WWC2: variants seen among roughly 807,000 people sequenced by gnomAD.
The protein encoded by WWC2 is WW and C2 domain containing 2, also known as protein WWC2.
Under a neutral mutation model 138.5 loss-of-function variants are expected in WWC2, and 101 were observed. The observed-to-expected ratio is 0.73, with a 90% CI of 0.62 to 0.86. The LOEUF (loss-of-function observed/expected upper bound fraction) is 0.86, where lower values mean the gene tolerates loss of function less well. WWC2 is among the 40% of genes least tolerant of loss of function. The pLI, the probability that WWC2 is intolerant of heterozygous loss-of-function variation, is 0.00. For missense variants in WWC2, 1,420 were observed against 1,419.4 expected, an observed-to-expected ratio of 1.00 and a Z score of -0.01; for synonymous variants, 558 against 538.4, an observed-to-expected ratio of 1.04 and a Z score of -0.50.
Position 183,289,567 on chromosome 4 carries a change from A to G in WWC2, c.3316A>G (p.Thr1106Ala). The change falls in exon 21 of 23, where the codon ACT (threonine) becomes GCT (alanine). Residue 1106 changes from threonine to alanine, a missense_variant. Transcript: ENST00000403733. ...GGAGGAACTGAAAGCTCAGGGAGAGACTGACCTTCCACCAGGCGTGCTGGA... is the reference window on the plus strand; with the variant it reads ...GGAGGAACTGAAAGCTCAGGGAGAGGCTGACCTTCCACCAGGCGTGCTGGA... ...KLEELKAQGE[T>A]DLPPGVLEDE... 2 of 1,613,862 alleles carry G rather than the reference A, an allele frequency of 1.2e-6. No individual in the cohort carries two copies. The highest frequency in any genetic ancestry group is 1.7e-6 in the Non-Finnish European group (2 of 1,179,866).
At chr4:183,244,582 T>G (rs34996246) in intron 5 of WWC2, among the ~76,000 whole-genome samples, 61,015 of 149,302 alleles carry the variant, frequency 0.41, 13,069 homozygotes, top group South Asian at 0.5. Context: ...TATATATATA[T>G]ATAGAGAGAG....
chr4:183,137,819 A>C (rs1315380643), intron 1 of WWC2, among the ~76,000 whole-genome samples: 2 of 152,166 alleles, frequency 1.3e-5, no homozygotes. Context: ...TGGAACCAAA[A>C]TGTCATTGTG....
intron 11 of WWC2, 70 bp downstream of exon 11, chr4:183,261,602 T>C (rs1737334074): frequency 6.8e-7 from 1 of 1,472,014 alleles, no homozygotes; most frequent in South Asian, 1.4e-5. Context: ...GAGCATTATT[T>C]TTCCATATAA....
chr4:183,287,045 C>T (rs973345970), intron 20 of WWC2, among the ~76,000 whole-genome samples: 2 of 152,082 alleles, frequency 1.3e-5, no homozygotes, highest in African/African-American at 2.4e-5. Flanking sequence ...GTTCTGCCAG[C>T]AGCTTTGGCA....
At chr4:183,126,728 T>A (rs1163190257) in intron 1 of WWC2, among the ~76,000 whole-genome samples, 2 of 151,808 alleles carry the variant, frequency 1.3e-5, no homozygotes, top group Non-Finnish European at 2.9e-5. Context: ...ACACACTGGT[T>A]TATTTTATTT....
intron 22 of WWC2, among the ~76,000 whole-genome samples, chr4:183,313,455 G>A (rs187018499): frequency 9.5e-4 from 144 of 152,168 alleles, no homozygotes; most frequent in African/African-American, 3.2e-3. Context: ...TGGTGCCAGC[G>A]CTCGAGATGG....
At chr4:183,103,137 C>T (rs1455004369) in intron 1 of WWC2, among the ~76,000 whole-genome samples, 1 of 151,742 alleles carries the variant, frequency 6.6e-6, no homozygotes, top group Non-Finnish European at 1.5e-5. Context: ...AGACACTAAT[C>T]TGTGGCTTAT....
intron 4 of WWC2, among the ~76,000 whole-genome samples, chr4:183,232,704 A>G (rs531994323): frequency 1.4e-4 from 22 of 152,170 alleles, no homozygotes; most frequent in African/African-American, 4.1e-4. Flanking sequence ...CTGGAGTGCA[A>G]TGGTGCGATC....
intron 14 of WWC2, among the ~76,000 whole-genome samples, chr4:183,266,297 A>T (rs970996165): frequency 6.6e-6 from 1 of 152,182 alleles, no homozygotes; most frequent in South Asian, 2.1e-4. Context: ...GGAATTTTCT[A>T]ATCTTTTACA....
intron 8 of WWC2, among the ~76,000 whole-genome samples, chr4:183,252,137 A>G (rs1377676976): frequency 2.6e-5 from 4 of 152,188 alleles, no homozygotes; most frequent in South Asian, 2.1e-4. Context: ...GTATAGATCT[A>G]CTTCCATCTT....
intron 1 of WWC2, among the ~76,000 whole-genome samples, chr4:183,160,157 C>G (rs1226474454): frequency 6.6e-6 from 1 of 152,228 alleles, no homozygotes; most frequent in Non-Finnish European, 1.5e-5. Flanking sequence ...GCATCATGAT[C>G]AGTGACAAAT....
At chr4:183,206,724 A>T (rs1005552120) in intron 2 of WWC2, among the ~76,000 whole-genome samples, 3 of 152,136 alleles carry the variant, frequency 2.0e-5, no homozygotes, top group South Asian at 2.1e-4. Context: ...ATGTCTGCAG[A>T]CACAGGGGGA....
chr4:183,136,495 A>G (rs1183447961), intron 1 of WWC2, among the ~76,000 whole-genome samples: 5 of 152,172 alleles, frequency 3.3e-5, no homozygotes, highest in Non-Finnish European at 5.9e-5. Flanking sequence ...TCCTGGAAAC[A>G]TAGTACGCAT....
intron 1 of WWC2, among the ~76,000 whole-genome samples, chr4:183,153,959 A>G (rs1229781333): frequency 7.9e-6 from 1 of 126,086 alleles, no homozygotes; most frequent in African/African-American, 3.0e-5. Context: ...AGTCATGATT[A>G]GTGGACTTGC....
At chr4:183,261,559 A>G in intron 11 of WWC2, 27 bp downstream of exon 11, 1 of 1,586,076 alleles carries the variant, frequency 6.3e-7, no homozygotes, top group African/African-American at 1.4e-5. Flanking sequence ...GCTTTCATGT[A>G]TTCCCTGTTA....
intron 6 of WWC2, among the ~76,000 whole-genome samples, chr4:183,247,648 C>CTATATATAGTA (rs1436358243): frequency 7.8e-5 from 10 of 128,554 alleles, no homozygotes; most frequent in African/African-American, 3.3e-4. Context: ...ACTATATATA[C>CTATATATAGTA]TATATACTAT....
At chr4:183,114,852 C>T (rs554569177) in intron 1 of WWC2, among the ~76,000 whole-genome samples, 45 of 152,194 alleles carry the variant, frequency 3.0e-4, no homozygotes, top group African/African-American at 1.1e-3. Flanking sequence ...GAGCCAGTCT[C>T]ATTCTATCGC....
At chr4:183,299,908 G>A (rs1240747224) in intron 21 of WWC2, among the ~76,000 whole-genome samples, 2 of 152,140 alleles carry the variant, frequency 1.3e-5, no homozygotes, top group East Asian at 3.9e-4. Flanking sequence ...TCCTGGATCT[G>A]CCTCCCTTGT....
At chr4:183,295,725 G>A (rs777905903) in intron 21 of WWC2, among the ~76,000 whole-genome samples, 1 of 152,148 alleles carries the variant, frequency 6.6e-6, no homozygotes, top group African/African-American at 2.4e-5. Flanking sequence ...GTTCACAGGC[G>A]TAATCTAGGA....
Sources: allele counts gnomAD v4.1 joint callset (sites outside exome capture counted in the v4.1 genomes callset), GRCh38; gene constraint gnomAD v4.1.1; transcripts MANE v1.5; gene names NCBI Gene and HGNC (gene_info 2026-07-23, HGNC 2026-07-21).